SLC38A6: variants seen among roughly 807,000 people sequenced by gnomAD.
SLC38A6 encodes the protein solute carrier family 38 member 6.
A neutral mutation model predicts 65.0 loss-of-function variants in SLC38A6; 73 were observed. The observed-to-expected ratio is 1.12, with a 90% CI of 0.93 to 1.37. The LOEUF is 1.37. SLC38A6 is among the 40% of genes most tolerant of loss of function. The pLI, the probability that SLC38A6 is intolerant of heterozygous loss-of-function variation, is 0.00. For synonymous variants in SLC38A6, 183 were observed against 178.8 expected (o/e 1.02, Z -0.19); for missense variants, 561 against 531.1 (o/e 1.06, Z -0.55).
chr14:61,037,566 G>A, intron 7 of SLC38A6, 59 bp from the exon 8 acceptor site: 1 of 1,209,434 alleles, frequency 8.3e-7, no homozygotes, highest in Non-Finnish European at 1.2e-6. Context: ...TATAGCTTTA[G>A]TTGTACGTTA....
At chr14:61,071,274 A>G (rs1299109054) in intron 15 of SLC38A6, among the ~76,000 whole-genome samples, 1 of 152,222 alleles carries the variant, frequency 6.6e-6, no homozygotes, top group African/African-American at 2.4e-5. Context: ...TATGTCATTT[A>G]GCACATATAT....
chr14:61,067,689 G>A (rs907932199), intron 15 of SLC38A6, among the ~76,000 whole-genome samples: 1 of 151,796 alleles, frequency 6.6e-6, no homozygotes, highest in Non-Finnish European at 1.5e-5. Flanking sequence ...TTAAATATGA[G>A]GGAATATACA....
At chr14:61,075,545 T>TCAATTGTACC (rs1202222196) in intron 15 of SLC38A6, among the ~76,000 whole-genome samples, 15 of 152,222 alleles carry the variant, frequency 9.9e-5, no homozygotes, top group Non-Finnish European at 1.6e-4. Context: ...TGGCAATATA[T>TCAATTGTACC]TGTCATTTCA....
chr14:61,009,068 C>G (rs1294062774), intron 3 of SLC38A6, among the ~76,000 whole-genome samples: 2 of 152,030 alleles, frequency 1.3e-5, no homozygotes, highest in South Asian at 2.1e-4. Flanking sequence ...CATAAGCGTT[C>G]AAAAGTTTTC....
intron 1 of SLC38A6, chr14:60,981,588 G>A: frequency 1.3e-6 from 2 of 1,510,386 alleles, no homozygotes; most frequent in South Asian, 2.4e-5. Flanking sequence ...GCATACTCTA[G>A]AAAGAAAAGA....
At chr14:61,004,005 G>A (rs11622762) in intron 3 of SLC38A6, among the ~76,000 whole-genome samples, 132,099 of 152,154 alleles carry the variant, frequency 0.87, 58,925 homozygotes, top group Non-Finnish European at 0.99. Context: ...ATAGACCCAG[G>A]GAGCAAGTTT....
intron 14 of SLC38A6, 52 bp from the exon 15 acceptor site, chr14:61,051,989 C>T: frequency 6.2e-7 from 1 of 1,602,248 alleles, no homozygotes; most frequent in Non-Finnish European, 8.5e-7. Flanking sequence ...GCTACCCAGC[C>T]TCACATCTGA....
At chr14:61,077,423 C>T (rs2043461244) in intron 15 of SLC38A6, among the ~76,000 whole-genome samples, 2 of 151,974 alleles carry the variant, frequency 1.3e-5, no homozygotes, top group Admixed American at 6.6e-5. Flanking sequence ...CCTTTGGGAG[C>T]GAAAAATATC....
chr14:61,009,979 C>G (rs1038032437), intron 3 of SLC38A6, among the ~76,000 whole-genome samples: 3 of 152,202 alleles, frequency 2.0e-5, no homozygotes, highest in African/African-American at 4.8e-5. Context: ...AATGGTTGAA[C>G]TAGTTTACAG....
rs1473054154 is a variant in SLC38A6 at position 61,079,094 on chromosome 14, G to A, written c.1408+167G>A. Among the ~76,000 whole-genome samples, 10 of 149,696 alleles carry A rather than the reference G, an allele frequency of 6.7e-5. No individual in the cohort carries two copies. The East Asian group carries it at 2.0e-3, about 30-fold the overall frequency. The stretch of plus-strand genomic sequence containing the variant: ...GCCACCGAGCCAGGTCAAGACCTCT[G>A]GCATCTTAAGAGACTTCCTATGAGT... On this transcript the variant is annotated intron_variant, in intron 16 of 16. Transcript: ENST00000354886.
chr14:61,037,146 G>A lies in SLC38A6; in HGVS notation c.565+5G>A. 1 of 1,578,760 alleles carries A rather than the reference G, an allele frequency of 6.3e-7. No individual in the cohort carries two copies. The highest frequency in any genetic ancestry group is 8.6e-7 in the Non-Finnish European group (1 of 1,159,832). ...TTGCACTTCTTCCCAAAATAGGTAA[G>A]TCTTTATAGAGCACATTATTTGTTT... is the stretch of plus-strand genomic sequence containing the variant. On this transcript the variant is annotated splice_donor_5th_base_variant and intron_variant, in intron 7 of 15. Coordinates refer to ENST00000267488, the MANE Select transcript of SLC38A6 (RefSeq NM_153811.3).
At chr14:60,997,572 C>T (rs1039904017) in intron 3 of SLC38A6, among the ~76,000 whole-genome samples, 6 of 152,112 alleles carry the variant, frequency 3.9e-5, no homozygotes, top group East Asian at 1.9e-4. Flanking sequence ...TCTCATTTGT[C>T]GGTCTAACTC....
At position 61,031,826 on chromosome 14, in the gene SLC38A6, T is replaced by C. The variant is rs953133574; in HGVS notation, c.482+1303T>C. On this transcript the variant is annotated intron_variant, in intron 6 of 15. Coordinates refer to ENST00000267488, the MANE Select transcript of SLC38A6 (RefSeq NM_153811.3). The stretch of plus-strand genomic sequence containing the variant: ...GAACTCAAGGCAATATGAGGTAGAA[T>C]AAAGAGGGCTAGACTAAGAGTAAGG... Among the ~76,000 whole-genome samples, 13 of 151,920 alleles carry C rather than the reference T, an allele frequency of 8.6e-5. 1 individual carries two copies. Among genetic ancestry groups the C allele is most frequent in the Admixed American group, 6.6e-5 (1 of 15,244 alleles).
At chr14:61,000,704 C>G (rs889941410) in intron 3 of SLC38A6, among the ~76,000 whole-genome samples, 4 of 152,182 alleles carry the variant, frequency 2.6e-5, no homozygotes, top group African/African-American at 9.6e-5. Flanking sequence ...GTACTGGACA[C>G]TGACACATAC....
intron 2 of SLC38A6, among the ~76,000 whole-genome samples, chr14:60,983,811 T>A (rs1051951857): frequency 6.6e-6 from 1 of 152,168 alleles, no homozygotes; most frequent in African/African-American, 2.4e-5. Context: ...CTTTGAAAAA[T>A]CATAATTTAT....
At chr14:61,038,287 ATAT>A (rs1484896437) in intron 8 of SLC38A6, among the ~76,000 whole-genome samples, 13 of 151,838 alleles carry the variant, frequency 8.6e-5, no homozygotes, top group Admixed American at 3.3e-4. Context: ...ACTTATTTTG[ATAT>A]TATAAAATAA....
intron 8 of SLC38A6, among the ~76,000 whole-genome samples, chr14:61,039,872 A>G (rs1052627765): frequency 6.6e-6 from 1 of 151,966 alleles, no homozygotes; most frequent in African/African-American, 2.4e-5. Flanking sequence ...ATTTTCTTAT[A>G]TTCTTTGAAT....
intron 6 of SLC38A6, among the ~76,000 whole-genome samples, chr14:61,033,261 T>C (rs2041127064): frequency 6.6e-6 from 1 of 152,018 alleles, no homozygotes; most frequent in South Asian, 2.1e-4. Context: ...AAGCGACTTA[T>C]AAATAAATCT....
intron 16 of SLC38A6, among the ~76,000 whole-genome samples, chr14:61,083,080 C>T (rs1157385129): frequency 6.6e-6 from 1 of 152,166 alleles, no homozygotes. Context: ...TGAGCTTGGC[C>T]CTCTACCATT....
Sources: allele counts gnomAD v4.1 joint callset (sites outside exome capture counted in the v4.1 genomes callset), GRCh38; gene constraint gnomAD v4.1.1; transcripts MANE v1.5; gene names NCBI Gene and HGNC (gene_info 2026-07-23, HGNC 2026-07-21).